The following RSRC1 variants were observed in gnomAD, a reference collection of about 807,000 sequenced individuals.
RSRC1 encodes the protein serine/Arginine-related protein 53.
In RSRC1, 39 loss-of-function variants were observed where a neutral mutation model predicts 49.1. The ratio of observed to expected loss-of-function variants is 0.79; its 90% CI spans 0.61 to 1.04. The LOEUF (loss-of-function observed/expected upper bound fraction) is 1.04. RSRC1 is among the 50% of genes least tolerant of loss of function. The probability of loss-of-function intolerance (pLI) is 0.00; values close to 1 mark genes in which losing one functional copy is unlikely to be tolerated. For missense variants in RSRC1, 388 were observed against 402.4 expected (o/e 0.96, Z 0.31); for synonymous variants, 143 against 130.8 (o/e 1.09, Z -0.63).
Position 158,316,438 on chromosome 3 carries a change from A to ATTTTTTTTTTTTTTTTTTT in RSRC1, c.531+18371_531+18389dup, listed in dbSNP as rs564633575. ...TAATCAGTCCACTGCAGAATCTCTC[A>ATTTTTTTTTTTTTTTTTTT]TTTTTTTTTTTTTTTTTTTTTTTTT... On this transcript the variant is annotated intron_variant, in intron 5 of 9. Transcript: ENST00000611884. Among the ~76,000 whole-genome samples, 15 of 72,238 alleles carry ATTTTTTTTTTTTTTTTTTT rather than the reference A, an allele frequency of 2.1e-4. 1 individual carries two copies. The highest frequency in any genetic ancestry group is 6.3e-4 in the South Asian group (1 of 1,588). 47.4% of individuals were successfully genotyped at this position (72,238 alleles called of 152,430 possible).
chr3:158,250,392 C>CTGTT, intron 4 of RSRC1, among the ~76,000 whole-genome samples: 1 of 152,324 alleles, frequency 6.6e-6, no homozygotes, highest in Non-Finnish European at 1.5e-5. Flanking sequence ...AACCTCCACA[C>CTGTT]TGTTCTCCAT....
intron 4 of RSRC1, among the ~76,000 whole-genome samples, chr3:158,216,701 A>G (rs1721964445): frequency 6.6e-6 from 1 of 151,778 alleles, no homozygotes; most frequent in African/African-American, 2.4e-5. Flanking sequence ...CGAATCTACC[A>G]TTACTAGAAT....
chr3:158,165,016 A>G (rs1286007529), intron 3 of RSRC1, among the ~76,000 whole-genome samples: 1 of 152,162 alleles, frequency 6.6e-6, no homozygotes, highest in Non-Finnish European at 1.5e-5. Context: ...TTTAAATGCC[A>G]ATTAGGAGGT....
chr3:158,523,786 G>C (rs1711843343), intron 7 of RSRC1, among the ~76,000 whole-genome samples: 1 of 152,046 alleles, frequency 6.6e-6, no homozygotes, highest in South Asian at 2.1e-4. Context: ...ATGAGCAGGA[G>C]CATGGTCATA....
At chr3:158,394,884 A>G (rs143536166) in intron 6 of RSRC1, among the ~76,000 whole-genome samples, 2 of 152,326 alleles carry the variant, frequency 1.3e-5, no homozygotes, top group African/African-American at 4.8e-5. Context: ...AGCCAAAGCA[A>G]TCCTAAGCAA....
In RSRC1 at chr3:158,545,201, T is replaced by TTTC. The variant is rs1560082361; in HGVS notation, c.*928_*929insCTT. 8.6e-6 allele frequency: 1 copy of TTTC among 116,160 alleles called. No homozygotes were observed. The highest frequency in any genetic ancestry group is 2.2e-4 in the East Asian group (1 of 4,472). 7.2% of individuals were successfully genotyped at this position (116,160 alleles called of 1,614,324 possible). The stretch of plus-strand genomic sequence containing the variant: ...TTTCCCGTTTCTATTTTCTTTTTTT[T>TTTC]TTTTTTTTTTTTTTTTTTGAGACGG... On this transcript the variant is annotated 3_prime_UTR_variant, in exon 10 of 10. Coordinates refer to ENST00000611884, the MANE Select transcript of RSRC1 (RefSeq NM_001271838.2).
chr3:158,354,661 A>G (rs1731061289), intron 5 of RSRC1, among the ~76,000 whole-genome samples, 196 bp from the exon 6 acceptor site: 1 of 152,076 alleles, frequency 6.6e-6, no homozygotes, highest in African/African-American at 2.4e-5. Context: ...TTTTCTAGGA[A>G]AAAAAAATGA....
At chr3:158,505,193 T>C (rs993682302) in intron 7 of RSRC1, among the ~76,000 whole-genome samples, 1 of 152,210 alleles carries the variant, frequency 6.6e-6, no homozygotes, top group Non-Finnish European at 1.5e-5. Context: ...TAGTGTACTC[T>C]TTTATTTATG....
intron 5 of RSRC1, among the ~76,000 whole-genome samples, chr3:158,351,917 A>G (rs6773939): frequency 0.52 from 76,626 of 146,270 alleles, 20,449 homozygotes; most frequent in African/African-American, 0.61. Flanking sequence ...TATAAATATT[A>G]TATATATATA....
intron 4 of RSRC1, among the ~76,000 whole-genome samples, chr3:158,269,891 C>G (rs1725407742): frequency 1.3e-5 from 2 of 152,112 alleles, no homozygotes; most frequent in South Asian, 2.1e-4. Context: ...ACAAGAACAA[C>G]AAGAAAACAT....
intron 5 of RSRC1, among the ~76,000 whole-genome samples, chr3:158,318,823 T>C (rs1728605693): frequency 6.6e-6 from 1 of 152,224 alleles, no homozygotes; most frequent in Non-Finnish European, 1.5e-5. Context: ...GAATACTTCA[T>C]ACTACTGAGT....
chr3:158,112,567 A>G (rs1714485151), intron 1 of RSRC1, among the ~76,000 whole-genome samples: 1 of 152,200 alleles, frequency 6.6e-6, no homozygotes, highest in South Asian at 2.1e-4. Context: ...ATTATATTTC[A>G]GTGTAATTTT....
At chr3:158,363,914 A>G (rs561596964) in intron 6 of RSRC1, among the ~76,000 whole-genome samples, 2 of 152,292 alleles carry the variant, frequency 1.3e-5, no homozygotes, top group Admixed American at 6.5e-5. Flanking sequence ...CCTAGGAGAG[A>G]AACTGGTTAA....
chr3:158,513,366 G>C (rs1035854119), intron 7 of RSRC1, among the ~76,000 whole-genome samples: 3 of 152,134 alleles, frequency 2.0e-5, no homozygotes, highest in African/African-American at 7.2e-5. Context: ...TGCATCTATT[G>C]AGATAATCAT....
At chr3:158,210,550 G>T (rs898889038) in intron 4 of RSRC1, among the ~76,000 whole-genome samples, 2 of 150,222 alleles carry the variant, frequency 1.3e-5, no homozygotes, top group African/African-American at 4.9e-5. Context: ...ATACATGTGT[G>T]CACTGGAATC....
At chr3:158,196,291 GCTCT>G (rs1720609157) in intron 3 of RSRC1, among the ~76,000 whole-genome samples, 1 of 151,828 alleles carries the variant, frequency 6.6e-6, no homozygotes, top group Non-Finnish European at 1.5e-5. Context: ...TCATGATTTG[GCTCT>G]CTGTTTGTCT....
chr3:158,270,375 A>G (rs1376088782), intron 4 of RSRC1, among the ~76,000 whole-genome samples: 2 of 152,172 alleles, frequency 1.3e-5, no homozygotes, highest in Non-Finnish European at 2.9e-5. Context: ...TGATAGGGTG[A>G]CTTTAGTGTC....
chr3:158,139,349 T>C (rs529311865), intron 3 of RSRC1, among the ~76,000 whole-genome samples: 65 of 151,844 alleles, frequency 4.3e-4, no homozygotes, highest in Non-Finnish European at 7.4e-4. Flanking sequence ...GAGGTTGCAG[T>C]GAGCTGAGAT....
chr3:158,110,796 C>T (rs1025363187), intron 1 of RSRC1, among the ~76,000 whole-genome samples: 2 of 152,194 alleles, frequency 1.3e-5, no homozygotes, highest in African/African-American at 4.8e-5. Context: ...GCCTTAAACA[C>T]ACTATATATT....
Sources: gnomAD v4.1 joint callset for allele counts (sites outside exome capture counted in the v4.1 genomes callset) on GRCh38, gnomAD v4.1.1 for gene constraint, MANE v1.5 for transcripts, NCBI Gene and HGNC (gene_info 2026-07-23, HGNC 2026-07-21) for gene names.